Variants in LRRC75A observed in about 807,000 individuals in gnomAD.
LRRC75A encodes the protein leucine rich repeat containing 75A, also known as leucine-rich repeat-containing protein 75A.
Under a neutral mutation model 26.0 loss-of-function variants are expected in LRRC75A, and 12 were observed. That is an observed-to-expected ratio of 0.46 (90% CI 0.30 to 0.75). The LOEUF is 0.75. Among genes scored for constraint, LRRC75A ranks in the 30% least tolerant of loss-of-function variants. The probability of loss-of-function intolerance (pLI) is 0.08; values close to 1 mark genes in which losing one functional copy is unlikely to be tolerated. For synonymous variants in LRRC75A, 223 were observed against 219.3 expected (o/e 1.02, Z -0.15); for missense variants, 410 against 486.6 (o/e 0.84, Z 1.48).
chr17:16,456,570 A>G (rs939620676), intron 2 of LRRC75A, among the ~76,000 whole-genome samples: 1 of 152,150 alleles, frequency 6.6e-6, no homozygotes, highest in African/African-American at 2.4e-5. Flanking sequence ...CCTGAGAAGT[A>G]ACCTGGGAGC....
intron 1 of LRRC75A, among the ~76,000 whole-genome samples, chr17:16,487,027 C>G (rs1242195786): frequency 1.3e-5 from 2 of 152,186 alleles, no homozygotes; most frequent in Non-Finnish European, 2.9e-5. Flanking sequence ...TGGTGGGTCT[C>G]CGCCCTCAGG....
intron 2 of LRRC75A, among the ~76,000 whole-genome samples, chr17:16,456,539 A>G (rs2093686970): frequency 6.6e-6 from 1 of 152,150 alleles, no homozygotes; most frequent in African/African-American, 2.4e-5. Flanking sequence ...CACATACCCT[A>G]ACTCCTCCAG....
chr17:16,465,567 C>T (rs2093761570), intron 1 of LRRC75A, among the ~76,000 whole-genome samples: 1 of 152,320 alleles, frequency 6.6e-6, no homozygotes, highest in African/African-American at 2.4e-5. Context: ...AAGCCCTGGA[C>T]CAGATGACTG....
In LRRC75A at chr17:16,443,988, G is replaced by A; in HGVS notation, c.635C>T (p.Thr212Ile). The A allele has an allele frequency of 6.2e-7, 1 of 1,613,808 alleles. No individual in the cohort carries two copies. Among genetic ancestry groups the A allele is most frequent in the Non-Finnish European group, 8.5e-7 (1 of 1,180,022 alleles). The change falls in exon 4 of 4, where the codon ACA becomes ATA. Residue 212 changes from threonine to isoleucine, a missense_variant. Thr to Ile is a moderately conservative substitution (Grantham distance 89, BLOSUM62 -1). Coordinates refer to ENST00000470794, the MANE Select transcript of LRRC75A (RefSeq NM_001113567.3). ...CAGGACCATGTCGTCCGTGAGGCCT[G>A]TGAAGCCCAGCTCCACGCTGTCTAC... ...EQVDSVELGF[T>I]GLTDDMVLQL...
intron 1 of LRRC75A, among the ~76,000 whole-genome samples, chr17:16,475,640 C>A (rs1157194823): frequency 6.6e-6 from 1 of 152,170 alleles, no homozygotes; most frequent in Non-Finnish European, 1.5e-5. Flanking sequence ...CAGCCTGGAA[C>A]TTCTGTACTC....
Position 16,455,482 on chromosome 17 carries a change from G to A in LRRC75A, c.375+6776C>T, listed in dbSNP as rs982966719. 6.6e-5 allele frequency among the ~76,000 whole-genome samples: 10 copies of A among 151,784 alleles called. No individual in the cohort carries two copies. The South Asian group carries it at 1.7e-3, about 25-fold the overall frequency. On this transcript the variant is annotated intron_variant, in intron 2 of 3. Transcript: ENST00000470794. ...CAACCTCCATCTCCCAGATTCAAGCGGTTCTCTTGCTTCAGCCTCCCGAGT... is the reference window on the plus strand; with the variant it reads ...CAACCTCCATCTCCCAGATTCAAGCAGTTCTCTTGCTTCAGCCTCCCGAGT...
At chr17:16,482,693 G>A (rs2093837360) in intron 1 of LRRC75A, among the ~76,000 whole-genome samples, 1 of 152,258 alleles carries the variant, frequency 6.6e-6, no homozygotes, top group African/African-American at 2.4e-5. Flanking sequence ...CAAGGGCAGA[G>A]CTGGAATCTG....
At chr17:16,485,771 C>T (rs1601205523) in intron 1 of LRRC75A, among the ~76,000 whole-genome samples, 1 of 151,932 alleles carries the variant, frequency 6.6e-6, no homozygotes, top group African/African-American at 2.4e-5. Flanking sequence ...AGACAGATGG[C>T]TGGCTGAGGA....
chr17:16,456,118 G>A (rs2093676017), intron 2 of LRRC75A, among the ~76,000 whole-genome samples: 1 of 138,994 alleles, frequency 7.2e-6, no homozygotes. Context: ...AGGAGGAGGA[G>A]TAGCAGTAGT....
chr17:16,445,158 A>ATTTT lies in LRRC75A; in HGVS notation c.492-1031_492-1028dup, dbSNP rs766449990. Among the ~76,000 whole-genome samples the ATTTT allele has an allele frequency of 2.3e-4, 16 of 69,714 alleles. 1 individual carries two copies. Among genetic ancestry groups the ATTTT allele is most frequent in the Admixed American group, 7.6e-4 (4 of 5,258 alleles). 45.7% of individuals were successfully genotyped at this position (69,714 alleles called of 152,430 possible). A position where few individuals can be genotyped will look rare whatever the true frequency, so the allele number is the denominator to read the frequency against. Reference sequence around the variant, plus strand: ...GCCAACACGCCTGGCCATTTTCTGCATTTTTTTTTTTTTTTTTTTTTTTTT... The same window carrying ATTTT: ...GCCAACACGCCTGGCCATTTTCTGCATTTTTTTTTTTTTTTTTTTTTTTTTTTTT... On this transcript the variant is annotated intron_variant, in intron 3 of 3. Transcript: ENST00000470794.
At chr17:16,471,609 T>C (rs776680561) in intron 1 of LRRC75A, among the ~76,000 whole-genome samples, 3 of 152,296 alleles carry the variant, frequency 2.0e-5, no homozygotes, top group Middle Eastern at 3.4e-3. Context: ...CCTCTGTGGG[T>C]ACACTCTCCT....
chr17:16,482,414 G>A (rs2093836636), intron 1 of LRRC75A, among the ~76,000 whole-genome samples: 1 of 152,160 alleles, frequency 6.6e-6, no homozygotes, highest in Non-Finnish European at 1.5e-5. Flanking sequence ...CTTCCCACAG[G>A]TCCCTGGCAT....
chr17:16,441,875 A>T lies in LRRC75A; in HGVS notation c.*1713T>A. On this transcript the variant is annotated 3_prime_UTR_variant, in exon 4 of 4. Transcript: ENST00000470794. ...CATCATGCCCAACAAGAGGTTCTAT[A>T]CCTTTTAATGAATTGACTTTCATAA... 1 of 155,396 alleles carries T rather than the reference A, an allele frequency of 6.4e-6. No homozygotes were observed. Among genetic ancestry groups the T allele is most frequent in the South Asian group, 1.9e-4 (1 of 5,208 alleles). 9.6% of individuals were successfully genotyped at this position (155,396 alleles called of 1,614,324 possible). A position where few individuals can be genotyped will look rare whatever the true frequency, so the allele number is the denominator to read the frequency against.
intron 2 of LRRC75A, among the ~76,000 whole-genome samples, chr17:16,450,407 C>G (rs2093621715): frequency 6.6e-6 from 1 of 152,298 alleles, no homozygotes; most frequent in South Asian, 2.1e-4. Flanking sequence ...GAGGAGGCCC[C>G]TGGGCTCCAG....
rs1420624794 is a variant in LRRC75A at position 16,462,894 on chromosome 17, T to C, written c.247-508A>G. ...TCTGAGTGGTGGGGTTGTAAGCAGA[T>C]CCTGCCAGGCACCCAGAAGGAAACC... is the stretch of plus-strand genomic sequence containing the variant. On this transcript the variant is annotated intron_variant, in intron 1 of 3. Transcript: ENST00000470794. The surrounding 1 kb of genome is among the most constrained non-coding windows in gnomAD (Gnocchi z 4.6). The C allele has an allele frequency of 6.2e-6, 1 of 160,348 alleles. No homozygotes were observed. Among genetic ancestry groups the C allele is most frequent in the Non-Finnish European group, 1.4e-5 (1 of 72,850 alleles). 9.9% of individuals were successfully genotyped at this position (160,348 alleles called of 1,614,324 possible).
intron 1 of LRRC75A, among the ~76,000 whole-genome samples, chr17:16,490,009 A>G (rs941968773): frequency 9.9e-5 from 15 of 152,224 alleles, no homozygotes; most frequent in African/African-American, 3.4e-4. Flanking sequence ...CTCTCCCTCA[A>G]GGCAGGGAGA....
Position 16,443,906 on chromosome 17 carries a change from G to A in LRRC75A, c.717C>T (p.Gly239=). 1 of 1,613,414 alleles carries A rather than the reference G, an allele frequency of 6.2e-7. No homozygotes were observed. Among genetic ancestry groups the A allele is most frequent in the South Asian group, 1.1e-5 (1 of 91,070 alleles). ...GCAGCACGGCCCGGGTCAACCGGTT[G>A]CCATTGAGTGCCAGTGTGGTGAGGC... ...LPRLTTLALN[G]NRLTRAVLRD... The change falls in exon 4 of 4, where the codon GGC becomes GGT. Residue 239 remains glycine, a synonymous_variant. Transcript: ENST00000470794.
chr17:16,480,617 G>A (rs1257745294), intron 1 of LRRC75A, among the ~76,000 whole-genome samples: 7 of 136,280 alleles, frequency 5.1e-5, no homozygotes, highest in African/African-American at 1.2e-4. Flanking sequence ...CAACAAGAGC[G>A]AGACTTCGTC....
rs1329752875 is a variant in LRRC75A, at chr17:16,490,060, C to T, written c.246+1685G>A. Among the ~76,000 whole-genome samples, 4 of 152,332 alleles carry T rather than the reference C, an allele frequency of 2.6e-5. No homozygotes were observed. The East Asian group carries it at 7.7e-4, about 29-fold the overall frequency. On this transcript the variant is annotated intron_variant, in intron 1 of 3. Transcript: ENST00000470794. ...GGATGTGGAATCACACTCAGCCCTA[C>T]AGGGACTGGGGAGCCCAAAGTATCT...
Sources: gnomAD v4.1 joint callset for allele counts (sites outside exome capture counted in the v4.1 genomes callset) on GRCh38, gnomAD v4.1.1 for gene constraint, Gnocchi (gnomAD v3.1) non-coding constraint, MANE v1.5 for transcripts, NCBI Gene and HGNC (gene_info 2026-07-23, HGNC 2026-07-21) for gene names.